The following PAMR1 variants were observed in gnomAD, a reference collection of about 807,000 sequenced individuals.
PAMR1 encodes inactive serine protease PAMR1.
PAMR1 carries 88 observed loss-of-function variants against 81.8 expected under a neutral mutation model. That is an observed-to-expected ratio of 1.08 (90% CI 0.91 to 1.28). The LOEUF (loss-of-function observed/expected upper bound fraction) is 1.28. PAMR1 is among the 50% of genes most tolerant of loss of function. PAMR1 has a pLI of 0.00. For missense variants in PAMR1, 935 were observed against 919.7 expected, an observed-to-expected ratio of 1.02 and a Z score of -0.21; for synonymous variants, 336 against 345.3, an observed-to-expected ratio of 0.97 and a Z score of 0.30.
At chr11:35,516,825 T>C (rs1851172635) in intron 1 of PAMR1, among the ~76,000 whole-genome samples, 4 of 152,166 alleles carry the variant, frequency 2.6e-5, no homozygotes, top group Admixed American at 2.0e-4. Flanking sequence ...CTTTACATTA[T>C]AGTCAAATGT....
chr11:35,527,188 C>T (rs1368669985), upstream of PAMR1, among the ~76,000 whole-genome samples: 1 of 152,152 alleles, frequency 6.6e-6, no homozygotes, highest in Non-Finnish European at 1.5e-5. Context: ...AAGAACTCAG[C>T]AGGCCTGTGT....
At chr11:35,521,484 G>A (rs1851277547) in intron 1 of PAMR1, among the ~76,000 whole-genome samples, 1 of 152,126 alleles carries the variant, frequency 6.6e-6, no homozygotes, top group South Asian at 2.1e-4. Flanking sequence ...ACCCTAGAGA[G>A]GATCCAGCCT....
At chr11:35,480,681 TTC>T (rs1303700852) in intron 3 of PAMR1, among the ~76,000 whole-genome samples, 1 of 152,190 alleles carries the variant, frequency 6.6e-6, no homozygotes, top group Non-Finnish European at 1.5e-5. Context: ...TCTCCTGAAT[TTC>T]TTTTTCTTTT....
In PAMR1 at chr11:35,524,055, C is replaced by T. The variant is rs144178816; in HGVS notation, c.73+1458G>A. Among the ~76,000 whole-genome samples the T allele has an allele frequency of 2.5e-3, 384 of 152,258 alleles. 1 individual carries two copies. The highest frequency in any genetic ancestry group is 8.8e-3 in the African/African-American group (365 of 41,550). ...CCTGAGGAATCAAATCCACTGAGCC[C>T]TGGCACTCTGAGAAGAACCAGGTCC... On this transcript the variant is annotated intron_variant, in intron 1 of 10. Transcript: ENST00000619888.
At chr11:35,502,842 T>C (rs1565355934) in intron 1 of PAMR1, among the ~76,000 whole-genome samples, 1 of 152,218 alleles carries the variant, frequency 6.6e-6, no homozygotes, top group East Asian at 1.9e-4. Flanking sequence ...TTAAGCTTCA[T>C]GTATTAATAA....
At chr11:35,446,868 G>C (rs1020419294) in intron 6 of PAMR1, among the ~76,000 whole-genome samples, 1 of 152,170 alleles carries the variant, frequency 6.6e-6, no homozygotes, top group Non-Finnish European at 1.5e-5. Context: ...GTCCAGAGCT[G>C]AGTTCAAGTC....
chr11:35,472,806 G>A (rs964159603), intron 4 of PAMR1, among the ~76,000 whole-genome samples: 1 of 152,226 alleles, frequency 6.6e-6, no homozygotes, highest in African/African-American at 2.4e-5. Flanking sequence ...GAATGAATGG[G>A]AGAGTGATAG....
At chr11:35,457,280 T>C (rs915161649) in intron 6 of PAMR1, among the ~76,000 whole-genome samples, 8 of 148,600 alleles carry the variant, frequency 5.4e-5, no homozygotes, top group Middle Eastern at 3.4e-3. Flanking sequence ...AAGGGATAAT[T>C]TGGGTTATCT....
chr11:35,441,302 C>CA (rs113713187), intron 7 of PAMR1, among the ~76,000 whole-genome samples, 179 bp downstream of exon 7: 10,298 of 140,912 alleles, frequency 0.073, 1,202 homozygotes, highest in African/African-American at 0.25. Context: ...CTCTTGAGGT[C>CA]AAAAAAAAAA....
chr11:35,470,980 T>C (rs1254640177), intron 4 of PAMR1, among the ~76,000 whole-genome samples, 162 bp from the exon 5 acceptor site: 1 of 152,162 alleles, frequency 6.6e-6, no homozygotes, highest in Non-Finnish European at 1.5e-5. Flanking sequence ...GAATTTCTCT[T>C]AGCAGAGGAG....
intron 6 of PAMR1, among the ~76,000 whole-genome samples, chr11:35,452,269 G>A: frequency 6.6e-6 from 1 of 152,052 alleles, no homozygotes; most frequent in Admixed American, 6.5e-5. Flanking sequence ...CCACTGAAGA[G>A]TATTAGTAAA....
Position 35,525,610 on chromosome 11 carries a change from G to A in PAMR1, c.-25C>T, listed in dbSNP as rs766767152. 3.1e-6 allele frequency: 5 copies of A among 1,609,860 alleles called. No homozygotes were observed. In the African/African-American group the frequency reaches 6.7e-5, roughly 22 times the overall value. ...TCCTTGCCGCGGCTGGTGCCCGAGC[G>A]TCTACTGGGGAGGGAGAGGAGGGAC... On this transcript the variant is annotated 5_prime_UTR_variant, in exon 1 of 11. The change creates a new upstream start codon in the 5' untranslated region. Transcript: ENST00000619888.
chr11:35,492,121 AC>A lies in PAMR1; in HGVS notation c.302del (p.Gly101ValfsTer8), dbSNP rs751755759. On this transcript the variant is annotated frameshift_variant, in exon 3 of 11. Coordinates refer to ENST00000619888, the MANE Select transcript of PAMR1 (RefSeq NM_001001991.3). LOFTEE classifies it high-confidence loss of function. ...CKSCRNGSWGGTLDDFYVKGF... is the reference protein window; with the variant it reads ...CKSCRNGSWGXTLDDFYVKGF... ...CCTTCACATAGAAGTCATCCAAGGT[AC>A]CCCCCCATGAGCCATTTCGGCAGCT... 3.1e-5 allele frequency: 50 copies of A among 1,613,628 alleles called. No individual in the cohort carries two copies. The highest frequency in any genetic ancestry group is 4.1e-5 in the Non-Finnish European group (48 of 1,179,778).
At chr11:35,453,913 A>G (rs1401495956) in intron 6 of PAMR1, among the ~76,000 whole-genome samples, 1 of 152,224 alleles carries the variant, frequency 6.6e-6, no homozygotes, top group African/African-American at 2.4e-5. Context: ...CATCCTGGAG[A>G]CAGAAACACA....
chr11:35,475,546 A>G (rs1176291447), intron 3 of PAMR1, among the ~76,000 whole-genome samples: 1 of 152,238 alleles, frequency 6.6e-6, no homozygotes, highest in Non-Finnish European at 1.5e-5. Context: ...CATGTTTTCT[A>G]GTGTTAAGAT....
rs1163514188 is a variant in PAMR1 at position 35,435,968 on chromosome 11, C to T, written c.1268G>A (p.Gly423Asp). ...ECISPFYRRL[G>D]SSRRTCLRTG... is the part of the protein sequence containing the mutation. ...CCTCAGACATGTCCTCCTGCTGCTG[C>T]CCAGGCGGCGGTAGAAGGGTGAGAT... The change falls in exon 9 of 11, where the codon GGC (glycine) becomes GAC (aspartate). Residue 423 changes from glycine (G) to aspartate (D), a missense_variant. Coordinates refer to ENST00000619888, the MANE Select transcript of PAMR1 (RefSeq NM_001001991.3). 2.5e-6 allele frequency: 4 copies of T among 1,614,204 alleles called. No homozygotes were observed. Among genetic ancestry groups the T allele is most frequent in the Middle Eastern group, 1.6e-4 (1 of 6,062 alleles).
chr11:35,444,152 G>C (rs996501356), intron 6 of PAMR1, among the ~76,000 whole-genome samples: 1 of 152,156 alleles, frequency 6.6e-6, no homozygotes, highest in Admixed American at 6.5e-5. Context: ...CAGTACCTTT[G>C]AGAAGTGTCT....
In PAMR1 at chr11:35,510,597, G is replaced by A. The variant is rs768710462; in HGVS notation, c.73+14916C>T. Among the ~76,000 whole-genome samples the A allele has an allele frequency of 3.3e-5, 5 of 151,956 alleles. No homozygotes were observed. In the South Asian group the frequency reaches 1.0e-3, roughly 31 times the overall value. ...TCAGAAAAGATGTCAACATTTTGAT[G>A]TCTATCCTTCAAGTCATGTTTTCAA... On this transcript the variant is annotated intron_variant, in intron 1 of 10. Coordinates refer to ENST00000619888, the MANE Select transcript of PAMR1 (RefSeq NM_001001991.3).
rs1382030434 is a variant in PAMR1 at position 35,499,266 on chromosome 11, TG to T, written c.74-4995del. On this transcript the variant is annotated intron_variant, in intron 1 of 10. Coordinates refer to ENST00000619888, the MANE Select transcript of PAMR1 (RefSeq NM_001001991.3). ...ACATGGGGGTCCAGGTGGCCTGCCTTGGGTTCATATTTCTGGACTCCAGCCC... is the reference window on the plus strand; with the variant it reads ...ACATGGGGGTCCAGGTGGCCTGCCTTGGTTCATATTTCTGGACTCCAGCCC... 5.3e-5 allele frequency among the ~76,000 whole-genome samples: 8 copies of T among 152,154 alleles called. No individual in the cohort carries two copies. The South Asian group carries it at 1.7e-3, about 32-fold the overall frequency.
Sources: gnomAD v4.1 joint callset for allele counts (sites outside exome capture counted in the v4.1 genomes callset) on GRCh38, gnomAD v4.1.1 for gene constraint, MANE v1.5 for transcripts, NCBI Gene and HGNC (gene_info 2026-07-23, HGNC 2026-07-21) for gene names.